Variants in FAM222A observed in about 807,000 individuals in gnomAD.
FAM222A encodes the protein protein FAM222A.
In FAM222A, 7 loss-of-function variants were observed where a neutral mutation model predicts 25.8. The ratio of observed to expected loss-of-function variants is 0.27; its 90% CI spans 0.15 to 0.51. The LOEUF (loss-of-function observed/expected upper bound fraction) is 0.51, where lower values mean the gene tolerates loss of function less well. Ranked by LOEUF, FAM222A falls within the 20% of genes least tolerant of loss-of-function variation. FAM222A has a pLI of 0.97. For synonymous variants in FAM222A, 294 were observed against 298.8 expected (o/e 0.98, Z 0.17); for missense variants, 573 against 640.5 (o/e 0.89, Z 1.14).
Position 109,733,863 on chromosome 12 carries a change from A to G in FAM222A, c.-46-10238A>G, listed in dbSNP as rs571244535. Among the ~76,000 whole-genome samples, 24 of 152,284 alleles carry G rather than the reference A, an allele frequency of 1.6e-4. No individual in the cohort carries two copies. The East Asian group carries it at 4.1e-3, about 26-fold the overall frequency. ...AGCAGGATCAGCCTGGGACAGGGAC[A>G]GTGCAGATAGACATTGGGAAAGGGA... On this transcript the variant is annotated intron_variant, in intron 1 of 2. Transcript: ENST00000538780.
intron 2 of FAM222A, among the ~76,000 whole-genome samples, chr12:109,753,015 T>C (rs1487259409): frequency 6.6e-6 from 1 of 152,190 alleles, no homozygotes; most frequent in African/African-American, 2.4e-5. Flanking sequence ...CAGCAGCCTG[T>C]GGGTCTCAAC....
At position 109,714,254 on chromosome 12, in the gene FAM222A, C is replaced by T. The variant is rs934240496; in HGVS notation, c.-690C>T. ...GCTGTTCGCCGGCTTCCCCTCCCCC[C>T]ACACCCGGGGCTCAGAGCAGGAGGA... On this transcript the variant is annotated 5_prime_UTR_variant, in exon 1 of 3. Transcript: ENST00000538780. The surrounding 1 kb of genome is among the most constrained non-coding windows in gnomAD (Gnocchi z 4.2). 1 of 192,614 alleles carries T rather than the reference C, an allele frequency of 5.2e-6. No homozygotes were observed. The highest frequency in any genetic ancestry group is 7.5e-5 in the South Asian group (1 of 13,318). The allele number at this position is 192,614 out of a possible 1,614,324, so 11.9% of individuals were successfully genotyped here.
chr12:109,729,650 G>A (rs567537423), intron 1 of FAM222A, among the ~76,000 whole-genome samples: 169 of 152,356 alleles, frequency 1.1e-3, no homozygotes, highest in Middle Eastern at 3.4e-3. Flanking sequence ...ACGCGCGCAC[G>A]CATGCACATG....
chr12:109,768,455 G>T lies in FAM222A; in HGVS notation c.526G>T (p.Ala176Ser), dbSNP rs772790721. 1 of 1,601,302 alleles carries T rather than the reference G, an allele frequency of 6.2e-7. No homozygotes were observed. The part of the protein sequence containing the change: ...PAPPPGLPAA[A>S]TAASVIPLPG... Reference sequence around the variant, plus strand: ...TCCACCACCCGGCCTGCCCGCAGCCGCCACTGCCGCCTCCGTCATCCCCCT... The same window carrying T: ...TCCACCACCCGGCCTGCCCGCAGCCTCCACTGCCGCCTCCGTCATCCCCCT... Residue 176 changes from alanine to serine, a missense_variant, in exon 3 of 3, where the codon GCC becomes TCC. Coordinates refer to ENST00000538780, the MANE Select transcript of FAM222A (RefSeq NM_032829.3).
intron 1 of FAM222A, among the ~76,000 whole-genome samples, chr12:109,719,617 C>T (rs1011853072): frequency 3.3e-5 from 5 of 152,102 alleles, no homozygotes; most frequent in African/African-American, 9.7e-5. Flanking sequence ...CCTGACAAAG[C>T]GGGCTGTGCT....
intron 2 of FAM222A, among the ~76,000 whole-genome samples, chr12:109,750,113 T>C (rs1888521284): frequency 6.6e-6 from 1 of 152,256 alleles, no homozygotes; most frequent in Admixed American, 6.5e-5. Context: ...CTAAAAAGTC[T>C]TTCACTGTGT....
At chr12:109,756,831 G>T (rs924126525) in intron 2 of FAM222A, among the ~76,000 whole-genome samples, 1 of 152,116 alleles carries the variant, frequency 6.6e-6, no homozygotes, top group Non-Finnish European at 1.5e-5. Context: ...TCTTTGTCTG[G>T]TTTTAGAATT....
At chr12:109,725,926 A>G (rs1251134934) in intron 1 of FAM222A, among the ~76,000 whole-genome samples, 4 of 151,912 alleles carry the variant, frequency 2.6e-5, no homozygotes, top group Admixed American at 2.0e-4. Context: ...CGCCGGCTTA[A>G]TTACTTGGTA....
At chr12:109,757,064 G>A (rs1407093275) in intron 2 of FAM222A, among the ~76,000 whole-genome samples, 1 of 152,218 alleles carries the variant, frequency 6.6e-6, no homozygotes, top group Non-Finnish European at 1.5e-5. Flanking sequence ...AGTCTTGGTA[G>A]TTGATGTCTT....
intron 1 of FAM222A, among the ~76,000 whole-genome samples, chr12:109,721,515 T>C (rs550518994): frequency 6.6e-6 from 1 of 152,328 alleles, no homozygotes; most frequent in South Asian, 2.1e-4. Flanking sequence ...TGACCTTGGG[T>C]TCCTTCCAGG....
At chr12:109,739,430 G>A (rs548975844) in intron 1 of FAM222A, among the ~76,000 whole-genome samples, 1 of 152,350 alleles carries the variant, frequency 6.6e-6, no homozygotes, top group Admixed American at 6.5e-5. Context: ...GCCCTCAAAA[G>A]ATGCTTGGGA....
Position 109,718,955 on chromosome 12 carries a change from T to G in FAM222A, c.-47+4058T>G, listed in dbSNP as rs114286776. ...GAGAAATATCTGAGTACCTACTGCA[T>G]GCATCAAACAAAAGATGGGGTCTCT... is the stretch of plus-strand genomic sequence containing the variant. On this transcript the variant is annotated intron_variant, in intron 1 of 2. Coordinates refer to ENST00000538780, the MANE Select transcript of FAM222A (RefSeq NM_032829.3). Among the ~76,000 whole-genome samples, 1,369 of 152,328 alleles carry G rather than the reference T, an allele frequency of 9.0e-3. 25 individuals carry two copies. Among genetic ancestry groups the G allele is most frequent in the African/African-American group, 0.031 (1,305 of 41,578 alleles).
At chr12:109,723,396 A>G (rs1887784244) in intron 1 of FAM222A, among the ~76,000 whole-genome samples, 1 of 152,208 alleles carries the variant, frequency 6.6e-6, no homozygotes, top group African/African-American at 2.4e-5. Context: ...CTTTCTGCCA[A>G]CTAGGCCGGA....
intron 2 of FAM222A, among the ~76,000 whole-genome samples, chr12:109,751,180 T>C (rs1040447443): frequency 6.6e-6 from 1 of 152,190 alleles, no homozygotes; most frequent in African/African-American, 2.4e-5. Context: ...ACCTCTTTTT[T>C]TTTCTCCTGT....
chr12:109,719,369 G>C lies in FAM222A; in HGVS notation c.-47+4472G>C, dbSNP rs528421837. Among the ~76,000 whole-genome samples the C allele has an allele frequency of 3.0e-3, 460 of 152,292 alleles. 4 individuals are homozygous for C. The highest frequency in any genetic ancestry group is 0.01 in the African/African-American group (435 of 41,536). ...GCCAGAGATGGGAAGGCAGAGGCGG[G>C]GTTCCAGCTTCCCACTCCTCTTCCC... On this transcript the variant is annotated intron_variant, in intron 1 of 2. Transcript: ENST00000538780.
At chr12:109,767,231 A>G (rs992012953) in intron 2 of FAM222A, among the ~76,000 whole-genome samples, 4 of 152,030 alleles carry the variant, frequency 2.6e-5, no homozygotes, top group Non-Finnish European at 5.9e-5. Flanking sequence ...AATGCCATCA[A>G]GAATAGAAAG....
Position 109,744,345 on chromosome 12 carries a change from C to A in FAM222A, c.82+117C>A, listed in dbSNP as rs534024461. On this transcript the variant is annotated intron_variant, in intron 2 of 2. Coordinates refer to ENST00000538780, the MANE Select transcript of FAM222A (RefSeq NM_032829.3). ...CGGAAAGTCTCTATGCTCTCTTAGG[C>A]CCCCAGGCCTTGGCCCCGGCTGTGC... 98 of 1,437,788 alleles carry A rather than the reference C, an allele frequency of 6.8e-5. No homozygotes were observed. The African/African-American group carries it at 1.3e-3, about 19-fold the overall frequency. The allele number at this position is 1,437,788 out of a possible 1,614,324, so 89.1% of individuals were successfully genotyped here. A position where few individuals can be genotyped will look rare whatever the true frequency, so the allele number is the denominator to read the frequency against.
At chr12:109,723,629 AC>A (rs1397500549) in intron 1 of FAM222A, among the ~76,000 whole-genome samples, 2 of 151,978 alleles carry the variant, frequency 1.3e-5, no homozygotes, top group Non-Finnish European at 2.9e-5. Flanking sequence ...GCCAAGCCCC[AC>A]CCCAGCTGCC....
intron 1 of FAM222A, among the ~76,000 whole-genome samples, chr12:109,743,274 T>G (rs1020168104): frequency 6.6e-6 from 1 of 152,176 alleles, no homozygotes; most frequent in Non-Finnish European, 1.5e-5. Context: ...GGAATGTGCC[T>G]GGGCCTCCTG....
Sources: gnomAD v4.1 joint callset for allele counts (sites outside exome capture counted in the v4.1 genomes callset) on GRCh38, gnomAD v4.1.1 for gene constraint, Gnocchi (gnomAD v3.1) non-coding constraint, MANE v1.5 for transcripts, NCBI Gene and HGNC (gene_info 2026-07-23, HGNC 2026-07-21) for gene names.